The following ASXL2 variants were observed in gnomAD, a reference collection of about 807,000 sequenced individuals.
The protein encoded by ASXL2 is putative Polycomb group protein ASXL2.
ASXL2 carries 23 observed loss-of-function variants against 122.0 expected under a neutral mutation model. The observed-to-expected ratio is 0.19, with a 90% CI of 0.14 to 0.27. The LOEUF (loss-of-function observed/expected upper bound fraction) is 0.27, where lower values mean the gene tolerates loss of function less well. ASXL2 is among the 10% of genes least tolerant of loss of function. The pLI, the probability that ASXL2 is intolerant of heterozygous loss-of-function variation, is 1.00. For synonymous variants in ASXL2, 650 were observed against 637.0 expected (o/e 1.02, Z -0.31); for missense variants, 1,518 against 1,713.8 (o/e 0.89, Z 2.02).
chr2:25,779,084 ATTTTTT>A (rs33911748), intron 5 of ASXL2, among the ~76,000 whole-genome samples: 5 of 99,412 alleles, frequency 5.0e-5, no homozygotes, highest in South Asian at 6.9e-4. Context: ...CTTTTTTCTG[ATTTTTT>A]TTTTTTTTTT....
At chr2:25,802,247 A>AT (rs2089011061) in intron 4 of ASXL2, among the ~76,000 whole-genome samples, 1 of 152,154 alleles carries the variant, frequency 6.6e-6, no homozygotes, top group African/African-American at 2.4e-5. Flanking sequence ...ATATTATCAC[A>AT]TTTTTTAAAA....
chr2:25,877,814 G>A (rs988126503), intron 1 of ASXL2, among the ~76,000 whole-genome samples: 2 of 152,182 alleles, frequency 1.3e-5, no homozygotes, highest in African/African-American at 4.8e-5. Context: ...CTCTCCAGCC[G>A]CACAAGGGAG....
chr2:25,753,350 G>A (rs1449901136), intron 11 of ASXL2, among the ~76,000 whole-genome samples, 184 bp downstream of exon 11: 2 of 150,838 alleles, frequency 1.3e-5, no homozygotes, highest in African/African-American at 2.4e-5. Context: ...CTGTGAACCC[G>A]TGATTCATAA....
At chr2:25,749,091 G>T (rs1559499953) in intron 12 of ASXL2, among the ~76,000 whole-genome samples, 1 of 152,160 alleles carries the variant, frequency 6.6e-6, no homozygotes, top group Non-Finnish European at 1.5e-5. Flanking sequence ...ATGGCTCTTG[G>T]TACAAAGATA....
intron 3 of ASXL2, among the ~76,000 whole-genome samples, chr2:25,812,418 C>T (rs376607239): frequency 1.9e-3 from 296 of 152,180 alleles, no homozygotes; most frequent in African/African-American, 6.9e-3. Flanking sequence ...CGAGACCGCG[C>T]CATTGCACTC....
chr2:25,799,410 T>C lies in ASXL2; in HGVS notation c.378A>G (p.Gly126=). ...SSSDGGSNKE[G]KKSRWKRKVS... ...CTTTCCTTTTCCACCTGCTCTTTTTTCCCTCCTTGTTGCTGCCACCATCAC... is the reference window on the plus strand; with the variant it reads ...CTTTCCTTTTCCACCTGCTCTTTTTCCCCTCCTTGTTGCTGCCACCATCAC... Residue 126 remains glycine (G), a synonymous_variant, in exon 5 of 13, where the codon GGA becomes GGG. Transcript: ENST00000435504. 1.2e-6 allele frequency: 2 copies of C among 1,614,020 alleles called. No individual in the cohort carries two copies. Among genetic ancestry groups the C allele is most frequent in the South Asian group, 2.2e-5 (2 of 91,090 alleles).
Position 25,754,008 on chromosome 2 carries a change from T to C in ASXL2, c.1037-369A>G, listed in dbSNP as rs949526840. On this transcript the variant is annotated intron_variant, in intron 10 of 12. Transcript: ENST00000435504. ...AAAGTGATGTGCTTTCAATAAACTATGCCACTGGGCATTTTTACTATTTTA... is the reference window on the plus strand; with the variant it reads ...AAAGTGATGTGCTTTCAATAAACTACGCCACTGGGCATTTTTACTATTTTA... Among the ~76,000 whole-genome samples the C allele has an allele frequency of 9.8e-5, 15 of 152,330 alleles. No homozygotes were observed. The Middle Eastern group carries it at 0.01, about 104-fold the overall frequency.
chr2:25,751,326 T>G (rs535055753), intron 11 of ASXL2, among the ~76,000 whole-genome samples: 67 of 152,300 alleles, frequency 4.4e-4, no homozygotes, highest in African/African-American at 1.5e-3. Context: ...CGAACTGTTG[T>G]AATCCTCTAT....
intron 7 of ASXL2, among the ~76,000 whole-genome samples, chr2:25,768,227 A>C (rs1169671922): frequency 6.6e-6 from 1 of 152,240 alleles, no homozygotes. Flanking sequence ...GTTGCTGATT[A>C]GAGGTTTCCA....
Position 25,750,193 on chromosome 2 carries a change from G to C in ASXL2, c.1363C>G (p.Pro455Ala), listed in dbSNP as rs375938470. 6.2e-7 allele frequency: 1 copy of C among 1,613,798 alleles called. No individual in the cohort carries two copies. Among genetic ancestry groups the C allele is most frequent in the African/African-American group, 1.3e-5 (1 of 74,900 alleles). Residue 455 changes from proline to alanine, a missense_variant, in exon 12 of 13, where the codon CCG (proline) becomes GCG (alanine). This residue lies in a region of ASXL2 where 292 missense variants were observed against 293.5 expected (regional missense o/e 1.00). Transcript: ENST00000435504. ...GGCTCTGAAGATGTGGAGAAGTTCG[G>C]CTGCACTTCACCTTGGCTTTCACAC... The part of the protein sequence containing the change: ...EECESQGEVQ[P>A]NFSTSSEPLL...
chr2:25,778,131 A>G (rs2088577257), intron 5 of ASXL2, among the ~76,000 whole-genome samples: 2 of 152,196 alleles, frequency 1.3e-5, no homozygotes, highest in African/African-American at 4.8e-5. Flanking sequence ...AACCAAAAAG[A>G]TATGTCCACA....
chr2:25,838,057 C>A (rs551115199), intron 2 of ASXL2, among the ~76,000 whole-genome samples: 1 of 152,020 alleles, frequency 6.6e-6, no homozygotes, highest in Admixed American at 6.5e-5. Flanking sequence ...CATGATCGTG[C>A]CACTGCACTC....
At chr2:25,865,256 C>T (rs1253787626) in intron 1 of ASXL2, among the ~76,000 whole-genome samples, 2 of 150,836 alleles carry the variant, frequency 1.3e-5, no homozygotes, top group African/African-American at 2.4e-5. Context: ...CATGGCAAAA[C>T]CCCATCTCCA....
At chr2:25,871,910 A>G (rs968340543) in intron 1 of ASXL2, among the ~76,000 whole-genome samples, 1 of 152,270 alleles carries the variant, frequency 6.6e-6, no homozygotes, top group East Asian at 1.9e-4. Context: ...AGTTGTTTTG[A>G]AAATTATGCA....
chr2:25,743,056 C>A lies in ASXL2; in HGVS notation c.3281G>T (p.Gly1094Val), dbSNP rs2087862772. The A allele has an allele frequency of 1.2e-6, 2 of 1,613,986 alleles. No individual in the cohort carries two copies. Among genetic ancestry groups the A allele is most frequent in the Non-Finnish European group, 1.7e-6 (2 of 1,179,898 alleles). ...PPSQFNFAHS[G>V]FQLEDISTSQ... is the part of the protein sequence containing the mutation. Reference sequence around the variant, plus strand: ...TGTGGAGATGTCTTCCAGCTGGAAACCTGAGTGAGCGAAGTTGAACTGTGA... The same window carrying A: ...TGTGGAGATGTCTTCCAGCTGGAAAACTGAGTGAGCGAAGTTGAACTGTGA... Residue 1094 changes from glycine to valine, a missense_variant, in exon 13 of 13, where the codon GGT becomes GTT. Around this residue, in one of 8 missense-constraint regions of ASXL2, gnomAD observed 831 missense variants for 833.1 expected, o/e 1.00. Coordinates refer to ENST00000435504, the MANE Select transcript of ASXL2 (RefSeq NM_018263.6).
chr2:25,864,411 G>C (rs977528906), intron 1 of ASXL2, among the ~76,000 whole-genome samples: 1 of 152,068 alleles, frequency 6.6e-6, no homozygotes, highest in African/African-American at 2.4e-5. Flanking sequence ...GCAAACTACA[G>C]CAACTAAGGC....
chr2:25,734,210 TTTATTA>T lies in ASXL2; in HGVS notation c.*7813_*7818del, dbSNP rs1406363938. On this transcript the variant is annotated 3_prime_UTR_variant, in exon 13 of 13. Coordinates refer to ENST00000435504, the MANE Select transcript of ASXL2 (RefSeq NM_018263.6). Reference sequence around the variant, plus strand: ...TGAGAACTTGCTCTTTAATCAGTACTTTATTATTAGAGAATAAATTAAGATGTTTGT... The same window carrying T: ...TGAGAACTTGCTCTTTAATCAGTACTTTAGAGAATAAATTAAGATGTTTGT... The T allele has an allele frequency of 6.6e-6, 1 of 152,210 alleles. No homozygotes were observed. The highest frequency in any genetic ancestry group is 2.4e-5 in the African/African-American group (1 of 41,450). 9.4% of individuals were successfully genotyped at this position (152,210 alleles called of 1,614,324 possible).
chr2:25,845,410 A>G (rs891023714), intron 2 of ASXL2, 71 bp downstream of exon 2: 3 of 1,305,926 alleles, frequency 2.3e-6, no homozygotes, highest in Non-Finnish European at 3.1e-6. Context: ...GGACTAAAGT[A>G]TACTATTATA....
At chr2:25,828,667 T>C (rs2089408937) in intron 3 of ASXL2, among the ~76,000 whole-genome samples, 1 of 150,762 alleles carries the variant, frequency 6.6e-6, no homozygotes, top group Non-Finnish European at 1.5e-5. Flanking sequence ...CTACTAAAAA[T>C]ACAAAAAATT....
Sources: gnomAD v4.1 joint callset for allele counts (sites outside exome capture counted in the v4.1 genomes callset) on GRCh38, gnomAD v4.1.1 for gene constraint, gnomAD v4.1.1 regional missense constraint, MANE v1.5 for transcripts, NCBI Gene and HGNC (gene_info 2026-07-23, HGNC 2026-07-21) for gene names.